Variants in GPR160 observed in about 807,000 individuals in gnomAD.
GPR160 encodes the protein G protein-coupled receptor 160, also known as probable G protein-coupled receptor 160.
Under a neutral mutation model 2.6 loss-of-function variants are expected in GPR160, and 2 were observed. The observed-to-expected ratio is 0.77, with a 90% CI of 0.32 to 2.44. The LOEUF is 2.44. Ranked by LOEUF, GPR160 falls within the 30% of genes most tolerant of loss-of-function variation. The probability of loss-of-function intolerance (pLI) is 0.11; values close to 1 mark genes in which losing one functional copy is unlikely to be tolerated. For synonymous variants in GPR160, 130 were observed against 132.2 expected (o/e 0.98, Z 0.12); for missense variants, 351 against 383.6 (o/e 0.91, Z 0.71).
At position 170,068,495 on chromosome 3, in the gene GPR160, C is replaced by T. The variant is rs1042984868; in HGVS notation, c.-192-11279C>T. Reference sequence around the variant, plus strand: ...TTGAGTTCTTCCCCTCCAGTTTGCTCTCTTTCTGTGACTCCTGTTATTCAG... The same window carrying T: ...TTGAGTTCTTCCCCTCCAGTTTGCTTTCTTTCTGTGACTCCTGTTATTCAG... On this transcript the variant is annotated intron_variant, in intron 2 of 3. Transcript: ENST00000355897. Among the ~76,000 whole-genome samples the T allele has an allele frequency of 3.9e-5, 6 of 152,164 alleles. 1 individual carries two copies. In the South Asian group the frequency reaches 1.2e-3, roughly 32 times the overall value.
intron 2 of GPR160, among the ~76,000 whole-genome samples, chr3:170,047,120 G>T (rs1716754460): frequency 6.6e-6 from 1 of 152,070 alleles, no homozygotes; most frequent in East Asian, 1.9e-4. Context: ...AGTAGGCTTT[G>T]GATTCTCCCT....
chr3:170,060,006 G>T (rs1351791336), intron 2 of GPR160, among the ~76,000 whole-genome samples: 1 of 152,040 alleles, frequency 6.6e-6, no homozygotes, highest in Non-Finnish European at 1.5e-5. Context: ...TTGCATTGGA[G>T]GTATCAGTGT....
Position 170,084,765 on chromosome 3 carries a change from C to T in GPR160, c.793C>T (p.Leu265Phe), listed in dbSNP as rs1418326996. The T allele has an allele frequency of 1.9e-6, 3 of 1,608,014 alleles. No homozygotes were observed. In the South Asian group the frequency reaches 3.3e-5, roughly 18 times the overall value. ...FVLLQVIIVL[L>F]KVQIPAYIEM... ...ACTACTTCAGGTAATCATTGTTTTACTTAAAGTTCAGATTCCAGCATATAT... is the reference window on the plus strand; with the variant it reads ...ACTACTTCAGGTAATCATTGTTTTATTTAAAGTTCAGATTCCAGCATATAT... The change falls in exon 4 of 4, where the codon CTT becomes TTT. Residue 265 changes from leucine (L) to phenylalanine (F), a missense_variant. Transcript: ENST00000355897.
chr3:170,074,814 C>T (rs968988669), intron 2 of GPR160, among the ~76,000 whole-genome samples: 1 of 151,742 alleles, frequency 6.6e-6, no homozygotes, highest in East Asian at 1.9e-4. Context: ...TCATTGATTT[C>T]TGCTTTTTTT....
At position 170,078,613 on chromosome 3, in the gene GPR160, A is replaced by G. The variant is rs368631204; in HGVS notation, c.-192-1161A>G. 5.3e-5 allele frequency among the ~76,000 whole-genome samples: 8 copies of G among 152,256 alleles called. 1 individual carries two copies. On this transcript the variant is annotated intron_variant, in intron 2 of 3. Coordinates refer to ENST00000355897, the MANE Select transcript of GPR160 (RefSeq NM_014373.3). Reference sequence around the variant, plus strand: ...GGATTAATTGAGGCCATGGCAGACAACTTCCATATGACCCCATGGGACTGG... The same window carrying G: ...GGATTAATTGAGGCCATGGCAGACAGCTTCCATATGACCCCATGGGACTGG...
intron 2 of GPR160, among the ~76,000 whole-genome samples, chr3:170,064,509 CTTTTCTTTTTT>C (rs1169848617): frequency 8.8e-6 from 1 of 113,442 alleles, no homozygotes; most frequent in African/African-American, 3.0e-5. Flanking sequence ...CTTTTCTTTT[CTTTTCTTTTTT>C]TTTTTTTTTT....
rs191687060 is a variant in GPR160 at position 170,064,072 on chromosome 3, G to T, written c.-192-15702G>T. 2.6e-5 allele frequency among the ~76,000 whole-genome samples: 4 copies of T among 152,130 alleles called. No homozygotes were observed. The South Asian group carries it at 6.2e-4, about 24-fold the overall frequency. ...AACAACTTACATGTACATAGGTCTTGAAGTGAGTGAAGCGGCTGTATTTTT... is the reference window on the plus strand; with the variant it reads ...AACAACTTACATGTACATAGGTCTTTAAGTGAGTGAAGCGGCTGTATTTTT... On this transcript the variant is annotated intron_variant, in intron 2 of 3. Transcript: ENST00000355897.
At chr3:170,061,189 C>T (rs1336400408) in intron 2 of GPR160, among the ~76,000 whole-genome samples, 21 of 151,578 alleles carry the variant, frequency 1.4e-4, no homozygotes, top group African/African-American at 4.8e-4. Context: ...GCAGGAGAAT[C>T]GCTTGAACCT....
intron 2 of GPR160, among the ~76,000 whole-genome samples, chr3:170,064,044 G>A (rs544891348): frequency 1.2e-4 from 18 of 152,200 alleles, no homozygotes; most frequent in African/African-American, 3.9e-4. Context: ...ATAAAACACA[G>A]GAAACAACTT....
At chr3:170,071,711 G>A (rs958375188) in intron 2 of GPR160, among the ~76,000 whole-genome samples, 4 of 152,080 alleles carry the variant, frequency 2.6e-5, no homozygotes, top group African/African-American at 4.8e-5. Flanking sequence ...TAGGAGAATC[G>A]CACAAACTCA....
intron 2 of GPR160, among the ~76,000 whole-genome samples, chr3:170,042,420 CA>C (rs34452268): frequency 1.1e-3 from 112 of 103,920 alleles, no homozygotes; most frequent in South Asian, 1.3e-3. Context: ...GATACTGCCT[CA>C]AAAAAAAAAA....
intron 3 of GPR160, among the ~76,000 whole-genome samples, chr3:170,082,630 C>A (rs1189808111): frequency 2.0e-5 from 3 of 151,434 alleles, no homozygotes; most frequent in African/African-American, 7.4e-5. Context: ...GGGTCTTGCT[C>A]TGTCACCCAG....
chr3:170,060,346 T>C (rs1330453828), intron 2 of GPR160, among the ~76,000 whole-genome samples: 1 of 152,212 alleles, frequency 6.6e-6, no homozygotes, highest in African/African-American at 2.4e-5. Flanking sequence ...CAACTCCCAG[T>C]GTGGTGATTA....
At chr3:170,061,869 C>T (rs535314552) in intron 2 of GPR160, among the ~76,000 whole-genome samples, 2 of 152,184 alleles carry the variant, frequency 1.3e-5, no homozygotes, top group Non-Finnish European at 2.9e-5. Context: ...AATTTCAAGG[C>T]CATGCGCAGT....
At chr3:170,043,408 C>T (rs1716547336) in intron 2 of GPR160, among the ~76,000 whole-genome samples, 1 of 152,142 alleles carries the variant, frequency 6.6e-6, no homozygotes, top group African/African-American at 2.4e-5. Context: ...TCTCGGAACT[C>T]TCGACCTCAG....
chr3:170,067,239 A>T (rs1712387525), intron 2 of GPR160, among the ~76,000 whole-genome samples: 1 of 152,122 alleles, frequency 6.6e-6, no homozygotes, highest in African/African-American at 2.4e-5. Context: ...TCCTGGACTC[A>T]AACGATCCTT....
chr3:170,059,952 A>C (rs1159044586), intron 2 of GPR160, among the ~76,000 whole-genome samples: 1 of 152,100 alleles, frequency 6.6e-6, no homozygotes, highest in East Asian at 1.9e-4. Flanking sequence ...TCACTATTTC[A>C]CAAATACTGA....
chr3:170,074,389 GTTCT>G lies in GPR160; in HGVS notation c.-192-5382_-192-5379del, dbSNP rs148396077. Among the ~76,000 whole-genome samples the G allele has an allele frequency of 5.1e-3, 771 of 152,012 alleles. 19 individuals carry two copies. The East Asian group carries it at 0.094, about 19-fold the overall frequency. The stretch of plus-strand genomic sequence containing the variant: ...GGCTAGAGGTTTATTAATTTTATTG[GTTCT>G]TTTTTTCCCCTAAAGAAGCAGTTTT... On this transcript the variant is annotated intron_variant, in intron 2 of 3. Transcript: ENST00000355897.
rs1454962347 is a variant in GPR160, at chr3:170,059,797, GC to G, written c.-192-19974del. ...GATTATCCCATCACCTAGGCATTAAGCCCAGCATCCATTAGCTGTTTTTCCT... is the reference window on the plus strand; with the variant it reads ...GATTATCCCATCACCTAGGCATTAAGCCAGCATCCATTAGCTGTTTTTCCT... On this transcript the variant is annotated intron_variant, in intron 2 of 3. Transcript: ENST00000355897. 7.2e-5 allele frequency among the ~76,000 whole-genome samples: 11 copies of G among 152,066 alleles called. No individual in the cohort carries two copies. The East Asian group carries it at 2.1e-3, about 29-fold the overall frequency.
Sources: allele counts gnomAD v4.1 joint callset (sites outside exome capture counted in the v4.1 genomes callset), GRCh38; gene constraint gnomAD v4.1.1; transcripts MANE v1.5; gene names NCBI Gene and HGNC (gene_info 2026-07-23, HGNC 2026-07-21).